RBFOX1: variants seen among roughly 807,000 people sequenced by gnomAD.
RBFOX1 encodes the protein RNA binding protein fox-1 homolog 1.
Under a neutral mutation model 57.7 loss-of-function variants are expected in RBFOX1, and 8 were observed. The observed-to-expected ratio is 0.14, with a 90% CI of 0.08 to 0.25. The LOEUF is 0.25. Ranked by LOEUF, RBFOX1 falls within the 10% of genes least tolerant of loss-of-function variation. The probability of loss-of-function intolerance (pLI) is 1.00; values close to 1 mark genes in which losing one functional copy is unlikely to be tolerated. For synonymous variants in RBFOX1, 326 were observed against 222.4 expected, an observed-to-expected ratio of 1.47 and a Z score of -4.15; for missense variants, 611 against 548.5, an observed-to-expected ratio of 1.11 and a Z score of -1.14.
chr16:6,868,689 C>G (rs935541585), intron 3 of RBFOX1, among the ~76,000 whole-genome samples: 2 of 152,114 alleles, frequency 1.3e-5, no homozygotes, highest in Non-Finnish European at 2.9e-5. Flanking sequence ...CCAGGCTGGT[C>G]AGAACTTCTG....
At chr16:7,638,811 C>G (rs554788747) in intron 11 of RBFOX1, among the ~76,000 whole-genome samples, 1 of 152,036 alleles carries the variant, frequency 6.6e-6, no homozygotes, top group Non-Finnish European at 1.5e-5. Context: ...GGTCTGTAGG[C>G]CAGATTGGGC....
chr16:6,226,946 TAAA>T (rs573474385), intron 1 of RBFOX1, among the ~76,000 whole-genome samples: 2 of 101,032 alleles, frequency 2.0e-5, no homozygotes, highest in Admixed American at 1.1e-4. Context: ...CCATCTCTAC[TAAA>T]AAAAAAAAAA....
At chr16:5,275,649 A>T in intron 1 of RBFOX1, among the ~76,000 whole-genome samples, 1 of 152,186 alleles carries the variant, frequency 6.6e-6, no homozygotes, top group East Asian at 1.9e-4. Context: ...TCCTATCAAA[A>T]TACCATCATC....
chr16:5,397,057 T>C (rs990791845), intron 1 of RBFOX1, among the ~76,000 whole-genome samples: 1 of 152,184 alleles, frequency 6.6e-6, no homozygotes, highest in African/African-American at 2.4e-5. Flanking sequence ...TAATAGGCTC[T>C]GGGGAAGAGC....
chr16:5,767,370 A>T (rs1284413132), intron 3 of RBFOX1, among the ~76,000 whole-genome samples: 10 of 152,176 alleles, frequency 6.6e-5, no homozygotes, highest in Admixed American at 2.0e-4. Context: ...CCTCCACAGA[A>T]ATTCATTAAC....
chr16:6,533,754 A>C (rs573965776), intron 2 of RBFOX1, among the ~76,000 whole-genome samples: 6 of 152,182 alleles, frequency 3.9e-5, no homozygotes, highest in Admixed American at 2.0e-4. Flanking sequence ...ACCTGACTAC[A>C]AAAGCAAACA....
intron 4 of RBFOX1, among the ~76,000 whole-genome samples, chr16:7,346,512 T>C (rs1435536098): frequency 6.6e-6 from 1 of 151,904 alleles, no homozygotes; most frequent in Non-Finnish European, 1.5e-5. Flanking sequence ...GGTTCTAAAC[T>C]CCCAAGCACA....
intron 4 of RBFOX1, among the ~76,000 whole-genome samples, chr16:5,984,373 GA>G (rs1319775348): frequency 6.6e-6 from 1 of 151,396 alleles, no homozygotes; most frequent in African/African-American, 2.4e-5. Flanking sequence ...CTAAAGCAAT[GA>G]ACTACTTGAA....
At chr16:6,894,588 T>C (rs1478110824) in intron 3 of RBFOX1, among the ~76,000 whole-genome samples, 2 of 152,172 alleles carry the variant, frequency 1.3e-5, no homozygotes, top group Admixed American at 6.5e-5. Context: ...ACTTGCCCCA[T>C]TTGGGGTTCT....
chr16:7,204,703 G>A (rs890056608), intron 4 of RBFOX1, among the ~76,000 whole-genome samples: 1 of 152,106 alleles, frequency 6.6e-6, no homozygotes, highest in African/African-American at 2.4e-5. Context: ...ATTATTCACT[G>A]GCATTTTTCC....
chr16:5,850,477 T>C (rs1410585430), intron 3 of RBFOX1, among the ~76,000 whole-genome samples: 2 of 152,220 alleles, frequency 1.3e-5, no homozygotes, highest in African/African-American at 2.4e-5. Flanking sequence ...TGCTAGGTTC[T>C]CTAACAAAGT....
rs370331509 is a variant in RBFOX1 at position 5,454,897 on chromosome 16, T to TC, written c.220-12318dup. The stretch of plus-strand genomic sequence containing the variant: ...TTCTTTCTTTCTTTCTTTCTTTCTT[T>TC]CTTTCTTTCTTTCTTTCCTTTGTTT... On this transcript the variant is annotated intron_variant, in intron 1 of 2. Transcript: ENST00000585867. 2.1e-3 allele frequency among the ~76,000 whole-genome samples: 239 copies of TC among 114,396 alleles called. 3 individuals carry two copies. The highest frequency in any genetic ancestry group is 3.4e-3 in the Non-Finnish European group (174 of 51,298). The allele number at this position is 114,396 out of a possible 152,430, so 75.0% of individuals were successfully genotyped here.
At chr16:6,907,320 C>T (rs560875427) in intron 3 of RBFOX1, among the ~76,000 whole-genome samples, 4 of 152,238 alleles carry the variant, frequency 2.6e-5, no homozygotes, top group Admixed American at 6.5e-5. Context: ...TTCCCAGTGC[C>T]CAGAGCTTCA....
intron 3 of RBFOX1, among the ~76,000 whole-genome samples, chr16:5,807,944 G>A (rs1236346346): frequency 6.6e-6 from 1 of 152,132 alleles, no homozygotes; most frequent in Admixed American, 6.5e-5. Context: ...CCTTGTATCT[G>A]GGGTTATTCA....
At chr16:7,594,451 G>A (rs907833772) in intron 7 of RBFOX1, among the ~76,000 whole-genome samples, 1 of 152,184 alleles carries the variant, frequency 6.6e-6, no homozygotes, top group Non-Finnish European at 1.5e-5. Context: ...AAAGGTTGGT[G>A]TATATTTCTG....
chr16:7,356,777 C>A (rs765622002), intron 4 of RBFOX1, among the ~76,000 whole-genome samples: 5 of 152,258 alleles, frequency 3.3e-5, no homozygotes, highest in Non-Finnish European at 5.9e-5. Flanking sequence ...CACATGGCTT[C>A]TGCAGTGCCT....
chr16:5,958,152 A>G (rs1195572874), intron 4 of RBFOX1, among the ~76,000 whole-genome samples: 2 of 152,188 alleles, frequency 1.3e-5, no homozygotes, highest in Non-Finnish European at 2.9e-5. Context: ...ATTTGGGGAG[A>G]TACTTTTTTG....
chr16:7,390,098 CAG>C (rs1308172856), intron 4 of RBFOX1, among the ~76,000 whole-genome samples: 5 of 152,088 alleles, frequency 3.3e-5, no homozygotes, highest in African/African-American at 7.2e-5. Context: ...GACAGAAAAA[CAG>C]AGCGAGAAGG....
chr16:5,577,823 T>C (rs2046520022), intron 2 of RBFOX1, among the ~76,000 whole-genome samples: 2 of 152,354 alleles, frequency 1.3e-5, no homozygotes, highest in South Asian at 4.1e-4. Flanking sequence ...ATGGTTCTTC[T>C]TTAGGTTGGA....
Sources: allele counts gnomAD v4.1 joint callset (sites outside exome capture counted in the v4.1 genomes callset), GRCh38; gene constraint gnomAD v4.1.1; transcripts MANE v1.5; gene names NCBI Gene and HGNC (gene_info 2026-07-23, HGNC 2026-07-21).